The following DIO2 variants were observed in gnomAD, a reference collection of about 807,000 sequenced individuals.
DIO2 encodes type II iodothyronine deiodinase.
In DIO2, 19 loss-of-function variants were observed where a neutral mutation model predicts 21.4. That is an observed-to-expected ratio of 0.89 (90% confidence interval 0.62 to 1.30). The LOEUF is 1.30. Ranked by LOEUF, DIO2 falls within the 50% of genes most tolerant of loss-of-function variation. The pLI, the probability that DIO2 is intolerant of heterozygous loss-of-function variation, is 0.00. For missense variants in DIO2, 302 were observed against 338.1 expected (o/e 0.89, Z 0.84); for synonymous variants, 122 against 132.9 (o/e 0.92, Z 0.57).
upstream of DIO2, chr14:80,211,651 G>A: frequency 1.8e-6 from 1 of 549,480 alleles, no homozygotes; most frequent in Non-Finnish European, 3.2e-6. Flanking sequence ...TTTCAAAGAA[G>A]CAGAAATGGC....
chr14:80,216,303 G>A (rs1033497030), upstream of DIO2, among the ~76,000 whole-genome samples: 1 of 152,260 alleles, frequency 6.6e-6, no homozygotes, highest in Non-Finnish European at 1.5e-5. Context: ...CAAAGAGCCA[G>A]TTAATGCTAA....
At chr14:80,216,900 C>T (rs1046204262) in intron 2 of DIO2, among the ~76,000 whole-genome samples, 5 of 152,244 alleles carry the variant, frequency 3.3e-5, no homozygotes, top group Middle Eastern at 3.4e-3. Flanking sequence ...TTATAAATGG[C>T]TTTACAGCAG....
At chr14:80,213,571 T>G (rs926929128), upstream of DIO2, among the ~76,000 whole-genome samples, 2 of 152,176 alleles carry the variant, frequency 1.3e-5, no homozygotes, top group African/African-American at 4.8e-5. Context: ...TTAGGTTCCG[T>G]GAGAGCAGGG....
chr14:80,217,394 A>C (rs1462388056), intron 2 of DIO2, among the ~76,000 whole-genome samples: 3 of 152,194 alleles, frequency 2.0e-5, no homozygotes, highest in African/African-American at 7.2e-5. Flanking sequence ...CAACAGAGCC[A>C]CTGGTGGAAC....
Position 80,217,917 on chromosome 14 carries a change from G to A in DIO2, c.-277-1180C>T, listed in dbSNP as rs117327866. Among the ~76,000 whole-genome samples, 757 of 152,294 alleles carry A rather than the reference G, an allele frequency of 5.0e-3. 6 individuals carry two copies. The highest frequency in any genetic ancestry group is 7.2e-3 in the Non-Finnish European group (490 of 68,014). On this transcript the variant is annotated intron_variant, in intron 2 of 4. Transcript: ENST00000553594. ...TTTTATCAAGAGATGTCACGTTCTGGTGGACTTCAATCATAAGTCACAGAA... is the reference window on the plus strand; with the variant it reads ...TTTTATCAAGAGATGTCACGTTCTGATGGACTTCAATCATAAGTCACAGAA...
chr14:80,214,522 A>T (rs1039487398), upstream of DIO2, among the ~76,000 whole-genome samples: 2 of 151,790 alleles, frequency 1.3e-5, no homozygotes, highest in African/African-American at 4.8e-5. Flanking sequence ...ATTTTTTTTT[A>T]AATAGGAGAA....
chr14:80,218,838 CG>C (rs1313553034), intron 2 of DIO2, among the ~76,000 whole-genome samples: 9 of 151,926 alleles, frequency 5.9e-5, no homozygotes, highest in Admixed American at 5.9e-4. Context: ...ATTAGCATGG[CG>C]TGGTGGTGCA....
intron 2 of DIO2, among the ~76,000 whole-genome samples, chr14:80,222,666 T>C (rs1888487818): frequency 6.6e-6 from 1 of 152,186 alleles, no homozygotes; most frequent in Non-Finnish European, 1.5e-5. Flanking sequence ...GGGATACTGT[T>C]TGTTTATCTT....
chr14:80,215,399 T>C (rs1379205341), upstream of DIO2, among the ~76,000 whole-genome samples: 2 of 152,176 alleles, frequency 1.3e-5, no homozygotes, highest in Non-Finnish European at 2.9e-5. Context: ...AAAATTGAGA[T>C]TGAGAAAATA....
chr14:80,218,570 A>C (rs1404975802), intron 2 of DIO2, among the ~76,000 whole-genome samples: 1 of 152,240 alleles, frequency 6.6e-6, no homozygotes, highest in South Asian at 2.1e-4. Context: ...TGGAAAACAA[A>C]TGCTCTCTAA....
intron 1 of DIO2, among the ~76,000 whole-genome samples, chr14:80,203,680 G>A (rs1424254842): frequency 1.3e-5 from 2 of 152,176 alleles, no homozygotes; most frequent in East Asian, 1.9e-4. Flanking sequence ...GAAGCAAATG[G>A]TCTACTTTAA....
rs1265381708 is a variant in DIO2 at position 80,202,788 on chromosome 14, C to T, written c.723G>A (p.Leu241=). The change falls in exon 2 of 2, where the codon CTG becomes CTA. Residue 241 remains leucine, a synonymous_variant. Transcript: ENST00000438257. ...CIVQRQKIAY[L]GGKGPFSYNL... ...TGTAGGAGAAGGGGCCCTTTCCTCCCAGATAAGCAATTTTCTGTCTCTGCA... is the reference window on the plus strand; with the variant it reads ...TGTAGGAGAAGGGGCCCTTTCCTCCTAGATAAGCAATTTTCTGTCTCTGCA... The T allele has an allele frequency of 1.2e-6, 2 of 1,613,970 alleles. No individual in the cohort carries two copies. Among genetic ancestry groups the T allele is most frequent in the Admixed American group, 1.7e-5 (1 of 60,030 alleles).
chr14:80,205,472 T>C lies in DIO2; in HGVS notation c.223-2184A>G, dbSNP rs990287341. 25 of 498,310 alleles carry C rather than the reference T, an allele frequency of 5.0e-5. No homozygotes were observed. In the South Asian group the frequency reaches 5.3e-4, roughly 10 times the overall value. 30.9% of individuals were successfully genotyped at this position (498,310 alleles called of 1,614,324 possible). ...CATTTTTGAAACCCATGAACAATTATGTGGCCTTGACAAATGCGCCTCTAA... is the reference window on the plus strand; with the variant it reads ...CATTTTTGAAACCCATGAACAATTACGTGGCCTTGACAAATGCGCCTCTAA... On this transcript the variant is annotated intron_variant, in intron 1 of 1. Transcript: ENST00000438257.
At chr14:80,215,395 G>A (rs1256969771), upstream of DIO2, among the ~76,000 whole-genome samples, 1 of 152,132 alleles carries the variant, frequency 6.6e-6, no homozygotes, top group Non-Finnish European at 1.5e-5. Context: ...CTCTAAAATT[G>A]AGATTGAGAA....
At chr14:80,207,938 T>G (rs1888013935) in intron 1 of DIO2, among the ~76,000 whole-genome samples, 1 of 152,132 alleles carries the variant, frequency 6.6e-6, no homozygotes, top group Non-Finnish European at 1.5e-5. Flanking sequence ...TTGAGGTGAA[T>G]GAAGAGGAGG....
chr14:80,206,922 G>A (rs1887978655), intron 1 of DIO2, among the ~76,000 whole-genome samples: 1 of 152,154 alleles, frequency 6.6e-6, no homozygotes, highest in Non-Finnish European at 1.5e-5. Context: ...ACCCTGCCCA[G>A]TATTTAATGC....
intron 2 of DIO2, among the ~76,000 whole-genome samples, chr14:80,223,226 T>TG (rs1888501455): frequency 6.6e-6 from 1 of 152,140 alleles, no homozygotes; most frequent in African/African-American, 2.4e-5. Flanking sequence ...ATACTAATGG[T>TG]GAAAAACCCA....
At chr14:80,228,467 G>A (rs1043916485) in intron 2 of DIO2, among the ~76,000 whole-genome samples, 1 of 152,196 alleles carries the variant, frequency 6.6e-6, no homozygotes, top group Non-Finnish European at 1.5e-5. Flanking sequence ...CAGACCAAAT[G>A]GGAGAGTTGA....
chr14:80,215,751 G>A (rs1047913030), upstream of DIO2, among the ~76,000 whole-genome samples: 3 of 152,170 alleles, frequency 2.0e-5, no homozygotes, highest in African/African-American at 4.8e-5. Context: ...AAACAGCGCC[G>A]CTCTTATCAG....
Sources: allele counts gnomAD v4.1 joint callset (sites outside exome capture counted in the v4.1 genomes callset), GRCh38; gene constraint gnomAD v4.1.1; transcripts MANE v1.5; gene names NCBI Gene and HGNC (gene_info 2026-07-23, HGNC 2026-07-21).